The following KATNAL2 variants were observed in gnomAD, a reference collection of about 807,000 sequenced individuals.
KATNAL2 encodes the protein katanin p60 ATPase-containing subunit A-like 2.
KATNAL2 carries 52 observed loss-of-function variants against 76.3 expected under a neutral mutation model. That is an observed-to-expected ratio of 0.68 (90% confidence interval 0.55 to 0.86). KATNAL2 has a LOEUF of 0.86. Among genes scored for constraint, KATNAL2 ranks in the 40% least tolerant of loss-of-function variants. The probability of loss-of-function intolerance (pLI) is 0.00; values close to 1 mark genes in which losing one functional copy is unlikely to be tolerated. For synonymous variants in KATNAL2, 243 were observed against 244.2 expected (o/e 1.00, Z 0.05); for missense variants, 660 against 668.9 (o/e 0.99, Z 0.15).
intron 3 of KATNAL2, among the ~76,000 whole-genome samples, chr18:47,042,319 C>T (rs2147026261): frequency 6.6e-6 from 1 of 152,314 alleles, no homozygotes; most frequent in South Asian, 2.1e-4. Context: ...GTAGTACTTA[C>T]TATGCTCCCT....
chr18:47,047,101 TG>T (rs1321206673), intron 4 of KATNAL2, among the ~76,000 whole-genome samples: 2 of 152,128 alleles, frequency 1.3e-5, no homozygotes, highest in African/African-American at 4.8e-5. Flanking sequence ...TTGTATTTTT[TG>T]TACAGACAGG....
chr18:46,962,339 T>G (rs2060007373), intron 3 of KATNAL2, among the ~76,000 whole-genome samples: 1 of 112,362 alleles, frequency 8.9e-6, no homozygotes. Context: ...CAAAACATTT[T>G]GCGTAGTCGG....
intron 1 of KATNAL2, among the ~76,000 whole-genome samples, chr18:46,926,009 A>G (rs1429595088): frequency 2.6e-5 from 4 of 151,812 alleles, no homozygotes; most frequent in Non-Finnish European, 4.4e-5. Flanking sequence ...CGGTCTATCA[A>G]TTTTGTTGAT....
At chr18:46,921,800 T>C (rs1467074905) in intron 1 of KATNAL2, among the ~76,000 whole-genome samples, 1 of 152,054 alleles carries the variant, frequency 6.6e-6, no homozygotes, top group Non-Finnish European at 1.5e-5. Context: ...CCATGTAACC[T>C]TGAGTTTAGT....
intron 3 of KATNAL2, among the ~76,000 whole-genome samples, chr18:46,959,255 T>C (rs1008667688): frequency 2.0e-5 from 3 of 152,202 alleles, no homozygotes; most frequent in African/African-American, 7.2e-5. Context: ...TTTAAATAAC[T>C]CTTACGTTTT....
rs2058444183 is a variant in KATNAL2 at position 46,920,004 on chromosome 18, C to G, written c.-510+2078C>G. 23 of 1,213,886 alleles carry G rather than the reference C, an allele frequency of 1.9e-5. 1 individual carries two copies. The South Asian group carries it at 2.9e-4, about 15-fold the overall frequency. 75.2% of individuals were successfully genotyped at this position (1,213,886 alleles called of 1,614,324 possible). On this transcript the variant is annotated intron_variant, in intron 1 of 17. Transcript: ENST00000683218. ...GAGGAGCTTACACCCATAAAGAGGACCAACATAAACACAAAACAGTAAGAA... is the reference window on the plus strand; with the variant it reads ...GAGGAGCTTACACCCATAAAGAGGAGCAACATAAACACAAAACAGTAAGAA...
intron 3 of KATNAL2, among the ~76,000 whole-genome samples, chr18:46,949,251 C>T (rs1157916444): frequency 1.3e-5 from 2 of 151,708 alleles, no homozygotes; most frequent in African/African-American, 4.8e-5. Context: ...TTCCTTTTCT[C>T]CTTCTCCTTC....
intron 1 of KATNAL2, among the ~76,000 whole-genome samples, chr18:46,943,212 C>G (rs1330838458): frequency 6.6e-6 from 1 of 152,136 alleles, no homozygotes; most frequent in Non-Finnish European, 1.5e-5. Context: ...GACTCCTATA[C>G]AAATTTCTAG....
At chr18:47,033,345 C>G (rs978399019) in intron 3 of KATNAL2, 1 of 1,614,048 alleles carries the variant, frequency 6.2e-7, no homozygotes, top group Non-Finnish European at 8.5e-7. Flanking sequence ...AACAGATCAT[C>G]TTTGCCTCTC....
intron 3 of KATNAL2, among the ~76,000 whole-genome samples, chr18:47,039,604 C>T (rs1003352632): frequency 3.3e-5 from 5 of 152,186 alleles, no homozygotes; most frequent in African/African-American, 1.2e-4. Flanking sequence ...TGACCCTCCT[C>T]ATCTTTAAGA....
At chr18:46,936,117 T>A (rs1000549847) in intron 1 of KATNAL2, among the ~76,000 whole-genome samples, 1 of 152,170 alleles carries the variant, frequency 6.6e-6, no homozygotes, top group Non-Finnish European at 1.5e-5. Flanking sequence ...AATCCACTTT[T>A]CTATGGTGGA....
Position 46,946,173 on chromosome 18 carries a change from A to G in KATNAL2, c.-393A>G. 1 of 989,566 alleles carries G rather than the reference A, an allele frequency of 1.0e-6. No homozygotes were observed. Among genetic ancestry groups the G allele is most frequent in the Non-Finnish European group, 1.2e-6 (1 of 825,082 alleles). The allele number at this position is 989,566 out of a possible 1,614,324, so 61.3% of individuals were successfully genotyped here. On this transcript the variant is annotated 5_prime_UTR_variant, in exon 2 of 18. Coordinates refer to ENST00000683218, the MANE Select transcript of KATNAL2 (RefSeq NM_001387690.1). ...AATTTGGAATAGGATTCACAGCAAG[A>G]GAGACAGAAGGGAAAGACATTGAAG...
At chr18:47,067,751 C>A (rs1374848499) in intron 11 of KATNAL2, among the ~76,000 whole-genome samples, 1 of 152,226 alleles carries the variant, frequency 6.6e-6, no homozygotes, top group East Asian at 1.9e-4. Flanking sequence ...ACAGACCACC[C>A]CACAACTTAG....
chr18:46,945,808 A>G (rs1363155682), intron 1 of KATNAL2, among the ~76,000 whole-genome samples: 1 of 152,232 alleles, frequency 6.6e-6, no homozygotes, highest in African/African-American at 2.4e-5. Context: ...AGTGGTCAAC[A>G]ATTTCACATG....
In KATNAL2 at chr18:47,090,758, C is replaced by T. The variant is rs541811665; in HGVS notation, c.1212-8485C>T. ...ATAAGGAAAATGGCCTGAGTAGAAA[C>T]TCAGAACTAGGATGGCAAAAAGTGG... is the stretch of plus-strand genomic sequence containing the variant. On this transcript the variant is annotated intron_variant, in intron 15 of 17. Coordinates refer to ENST00000683218, the MANE Select transcript of KATNAL2 (RefSeq NM_001387690.1). Among the ~76,000 whole-genome samples, 11 of 152,248 alleles carry T rather than the reference C, an allele frequency of 7.2e-5. No homozygotes were observed. The South Asian group carries it at 1.0e-3, about 14-fold the overall frequency.
intron 1 of KATNAL2, among the ~76,000 whole-genome samples, chr18:46,934,082 A>G (rs1032557455): frequency 6.6e-6 from 1 of 151,904 alleles, no homozygotes; most frequent in East Asian, 1.9e-4. Flanking sequence ...AGTCTTTGCT[A>G]TTGTGAATAG....
intron 15 of KATNAL2, among the ~76,000 whole-genome samples, chr18:47,085,737 C>T (rs1238136710): frequency 6.6e-6 from 1 of 152,086 alleles, no homozygotes; most frequent in South Asian, 2.1e-4. Flanking sequence ...CTCCATTTCC[C>T]ATGTGGCGTG....
At chr18:47,071,921 G>A (rs1174756177) in intron 13 of KATNAL2, among the ~76,000 whole-genome samples, 2 of 121,590 alleles carry the variant, frequency 1.6e-5, no homozygotes, top group Non-Finnish European at 3.4e-5. Flanking sequence ...AAAAAAAAAA[G>A]AGTGAGGAAA....
At chr18:46,918,577 C>G (rs1376475099) in intron 1 of KATNAL2, among the ~76,000 whole-genome samples, 2 of 152,188 alleles carry the variant, frequency 1.3e-5, no homozygotes, top group African/African-American at 2.4e-5. Context: ...ACCTCCGCCT[C>G]CCGAGTAGCT....
Sources: allele counts gnomAD v4.1 joint callset (sites outside exome capture counted in the v4.1 genomes callset), GRCh38; gene constraint gnomAD v4.1.1; transcripts MANE v1.5; gene names NCBI Gene and HGNC (gene_info 2026-07-23, HGNC 2026-07-21).